Variants in FAT3 observed in about 807,000 individuals in gnomAD.
The protein encoded by FAT3 is FAT atypical cadherin 3, also known as protocadherin Fat 3.
Under a neutral mutation model 310.2 loss-of-function variants are expected in FAT3, and 95 were observed. That is an observed-to-expected ratio of 0.31 (90% CI 0.26 to 0.36). The LOEUF (loss-of-function observed/expected upper bound fraction) is 0.36. FAT3 is among the 10% of genes least tolerant of loss of function. The probability of loss-of-function intolerance (pLI) is 1.00; values close to 1 mark genes in which losing one functional copy is unlikely to be tolerated. For synonymous variants in FAT3, 2,314 were observed against 2,192.9 expected (o/e 1.06, Z -1.54); for missense variants, 5,408 against 5,715.6 (o/e 0.95, Z 1.74).
intron 1 of FAT3, among the ~76,000 whole-genome samples, chr11:92,313,282 C>T (rs747489503): frequency 4.6e-5 from 7 of 152,208 alleles, no homozygotes; most frequent in African/African-American, 7.2e-5. Flanking sequence ...CACCCATCCA[C>T]ATCTGGGACT....
At chr11:92,267,055 C>G (rs1489555973) in intron 1 of FAT3, among the ~76,000 whole-genome samples, 1 of 152,132 alleles carries the variant, frequency 6.6e-6, no homozygotes, top group Non-Finnish European at 1.5e-5. Context: ...CTGCCTGACA[C>G]TGCCTTGCCT....
At chr11:92,655,919 T>A (rs1942565763) in intron 3 of FAT3, among the ~76,000 whole-genome samples, 1 of 152,226 alleles carries the variant, frequency 6.6e-6, no homozygotes, top group South Asian at 2.1e-4. Context: ...AGTCCTCATT[T>A]CATAAATATG....
chr11:92,831,552 G>C (rs928286877), intron 13 of FAT3, 70 bp from the exon 14 acceptor site: 16 of 1,363,794 alleles, frequency 1.2e-5, no homozygotes, highest in Non-Finnish European at 1.5e-5. Flanking sequence ...AGTCTGCAAA[G>C]CTGTAACATT....
chr11:92,790,235 A>C lies in FAT3; in HGVS notation c.4611+17A>C, dbSNP rs769821035. ...AACATAATGGTAGGACCAAAATCCTAATTAGCACTCCTACAGAACCACTGA... is the reference window on the plus strand; with the variant it reads ...AACATAATGGTAGGACCAAAATCCTCATTAGCACTCCTACAGAACCACTGA... On this transcript the variant is annotated intron_variant, in intron 8 of 27. Transcript: ENST00000525166. The C allele has an allele frequency of 2.6e-5, 42 of 1,611,740 alleles. No individual in the cohort carries two copies. In the East Asian group the frequency reaches 8.5e-4, roughly 33 times the overall value.
At chr11:92,536,497 A>G (rs1565393388) in intron 3 of FAT3, among the ~76,000 whole-genome samples, 1 of 152,186 alleles carries the variant, frequency 6.6e-6, no homozygotes, top group South Asian at 2.1e-4. Context: ...AATTATAGCA[A>G]CTAATGAACT....
At chr11:92,542,852 A>C (rs1296582800) in intron 3 of FAT3, among the ~76,000 whole-genome samples, 1 of 152,140 alleles carries the variant, frequency 6.6e-6, no homozygotes, top group East Asian at 1.9e-4. Context: ...TGAAATCGGT[A>C]TATTGAAGAG....
intron 2 of FAT3, among the ~76,000 whole-genome samples, chr11:92,497,254 A>G (rs1488678361): frequency 1.3e-5 from 2 of 151,932 alleles, no homozygotes; most frequent in Non-Finnish European, 1.5e-5. Context: ...GCTGCCTGGC[A>G]CTCACATTCT....
intron 22 of FAT3, among the ~76,000 whole-genome samples, chr11:92,880,456 G>A (rs913178891): frequency 7.2e-5 from 11 of 151,760 alleles, no homozygotes; most frequent in African/African-American, 2.4e-4. Flanking sequence ...TTCTGCTCTT[G>A]AAATCTGTCC....
chr11:92,275,458 A>T (rs1591040661), intron 1 of FAT3, among the ~76,000 whole-genome samples: 1 of 151,828 alleles, frequency 6.6e-6, no homozygotes, highest in Admixed American at 6.6e-5. Context: ...GGTTCTACTG[A>T]TTGGCAAACA....
intron 1 of FAT3, among the ~76,000 whole-genome samples, chr11:92,233,326 G>C (rs1008313341): frequency 6.6e-6 from 1 of 152,054 alleles, no homozygotes; most frequent in South Asian, 2.1e-4. Context: ...GTAATCTAGC[G>C]TTCCATCTTT....
rs372962256 is a variant in FAT3 at position 92,370,049 on chromosome 11, A to T, written c.3292+14645A>T. Among the ~76,000 whole-genome samples the T allele has an allele frequency of 3.3e-5, 5 of 152,318 alleles. No homozygotes were observed. The East Asian group carries it at 9.6e-4, about 29-fold the overall frequency. On this transcript the variant is annotated intron_variant, in intron 2 of 27. Transcript: ENST00000525166. Reference sequence around the variant, plus strand: ...AAAAGGGCTTTTGAGAGCTGCGCTAATAACTGTCCCAGAGTTCTTTCACTC... The same window carrying T: ...AAAAGGGCTTTTGAGAGCTGCGCTATTAACTGTCCCAGAGTTCTTTCACTC...
chr11:92,312,611 A>G (rs966191783), intron 1 of FAT3, among the ~76,000 whole-genome samples: 1 of 152,188 alleles, frequency 6.6e-6, no homozygotes, highest in Non-Finnish European at 1.5e-5. Flanking sequence ...CAAACCTCAA[A>G]GTGATATATG....
intron 1 of FAT3, among the ~76,000 whole-genome samples, chr11:92,310,709 G>T (rs1947275483): frequency 6.6e-6 from 1 of 151,864 alleles, no homozygotes; most frequent in Non-Finnish European, 1.5e-5. Context: ...ACACATATAA[G>T]TTTCTGTAGT....
chr11:92,518,456 A>G (rs1953568359), intron 2 of FAT3, among the ~76,000 whole-genome samples: 1 of 152,134 alleles, frequency 6.6e-6, no homozygotes, highest in Non-Finnish European at 1.5e-5. Flanking sequence ...GTGGGAATTG[A>G]ACAATGAGAA....
In FAT3 at chr11:92,229,519, T is replaced by TTTTTTTTTTTTTTTTTTTTTTTTTTC. The variant is rs1864079526; in HGVS notation, c.-18+4349_-18+4350insTTTTTTTTTTTTTTTTTTTTTCTTTT. 1.5e-5 allele frequency among the ~76,000 whole-genome samples: 2 copies of TTTTTTTTTTTTTTTTTTTTTTTTTTC among 130,822 alleles called. 1 individual carries two copies. The highest frequency in any genetic ancestry group is 5.4e-5 in the African/African-American group (2 of 37,044). The allele number at this position is 130,822 out of a possible 152,430, so 85.8% of individuals were successfully genotyped here. ...TTTTTTTTTTTTTGTTTTTTGTTTT[T>TTTTTTTTTTTTTTTTTTTTTTTTTTC]TTTTACATTGCCTCCCTTTCTCCAA... On this transcript the variant is annotated intron_variant, in intron 1 of 27. Coordinates refer to ENST00000525166, the MANE Select transcript of FAT3 (RefSeq NM_001367949.2).
At chr11:92,707,883 C>G (rs1944403778) in intron 4 of FAT3, among the ~76,000 whole-genome samples, 1 of 152,198 alleles carries the variant, frequency 6.6e-6, no homozygotes, top group South Asian at 2.1e-4. Context: ...AATGTAATGA[C>G]AGCAAGTTTA....
chr11:92,862,020 CT>C (rs1258761337), intron 21 of FAT3, among the ~76,000 whole-genome samples: 3 of 152,206 alleles, frequency 2.0e-5, no homozygotes, highest in Non-Finnish European at 4.4e-5. Context: ...ATAAAAGGCA[CT>C]CATTCTTCTG....
At chr11:92,597,081 C>G (rs1353949430) in intron 3 of FAT3, among the ~76,000 whole-genome samples, 1 of 152,064 alleles carries the variant, frequency 6.6e-6, no homozygotes, top group East Asian at 1.9e-4. Context: ...ATGAATTAGC[C>G]CAATTGTTGA....
At chr11:92,858,425 A>G (rs1949037193) in intron 20 of FAT3, among the ~76,000 whole-genome samples, 1 of 152,170 alleles carries the variant, frequency 6.6e-6, no homozygotes. Context: ...TTCTATCTAG[A>G]AAACTTCTGA....
Sources: gnomAD v4.1 joint callset for allele counts (sites outside exome capture counted in the v4.1 genomes callset) on GRCh38, gnomAD v4.1.1 for gene constraint, MANE v1.5 for transcripts, NCBI Gene and HGNC (gene_info 2026-07-23, HGNC 2026-07-21) for gene names.